The following IL1R2 variants were observed in gnomAD, a reference collection of about 807,000 sequenced individuals.
IL1R2 encodes the protein interleukin-1 receptor type 2.
Under a neutral mutation model 39.5 loss-of-function variants are expected in IL1R2, and 46 were observed. The ratio of observed to expected loss-of-function variants is 1.16; its 90% confidence interval spans 0.92 to 1.49. The LOEUF is 1.49. Among genes scored for constraint, IL1R2 ranks in the 40% most tolerant of loss-of-function variants. IL1R2 has a pLI of 0.00. For missense variants in IL1R2, 537 were observed against 502.0 expected (o/e 1.07, Z -0.67); for synonymous variants, 207 against 189.6 (o/e 1.09, Z -0.75).
intron 1 of IL1R2, among the ~76,000 whole-genome samples, chr2:102,003,157 T>G (rs903761093): frequency 2.5e-5 from 3 of 120,286 alleles, no homozygotes; most frequent in African/African-American, 7.8e-5. Flanking sequence ...TCTGTGTCTC[T>G]GTCTGTGTCT....
chr2:102,017,918 A>G (rs1677112014), intron 4 of IL1R2, among the ~76,000 whole-genome samples: 1 of 152,238 alleles, frequency 6.6e-6, no homozygotes, highest in African/African-American at 2.4e-5. Context: ...TTATTGGCTT[A>G]ATCATTAATG....
At chr2:102,002,699 T>C (rs1257310388) in intron 1 of IL1R2, among the ~76,000 whole-genome samples, 1 of 152,088 alleles carries the variant, frequency 6.6e-6, no homozygotes, top group African/African-American at 2.4e-5. Context: ...TAAGTCTATG[T>C]CTAGGTCTAT....
At chr2:102,002,865 GGTCTGT>G (rs1167762474) in intron 1 of IL1R2, among the ~76,000 whole-genome samples, 3 of 91,028 alleles carry the variant, frequency 3.3e-5, no homozygotes, top group Non-Finnish European at 5.0e-5. Flanking sequence ...TCTAGGTCTA[GGTCTGT>G]GTCTGTGTCT....
At chr2:101,995,821 GAC>G (rs1675560050) in intron 1 of IL1R2, among the ~76,000 whole-genome samples, 1 of 152,212 alleles carries the variant, frequency 6.6e-6, no homozygotes, top group South Asian at 2.1e-4. Context: ...AATTTACGGA[GAC>G]CAGCAGTGGG....
At chr2:101,999,473 G>A (rs1402075506) in intron 1 of IL1R2, among the ~76,000 whole-genome samples, 5 of 152,162 alleles carry the variant, frequency 3.3e-5, no homozygotes, top group African/African-American at 9.7e-5. Flanking sequence ...TGGGGACTTC[G>A]GCAAGAGAGT....
At chr2:102,025,261 CT>C (rs937578954) in intron 7 of IL1R2, among the ~76,000 whole-genome samples, 3 of 152,196 alleles carry the variant, frequency 2.0e-5, no homozygotes, top group Admixed American at 6.5e-5. Flanking sequence ...AATTGTAACT[CT>C]TTTTAAAATT....
At chr2:102,024,430 T>G in intron 6 of IL1R2, 103 bp from the exon 7 acceptor site, 2 of 774,014 alleles carry the variant, frequency 2.6e-6, no homozygotes, top group Non-Finnish European at 4.6e-6. Flanking sequence ...AATTGGGTGG[T>G]GAGGGGTGTT....
chr2:101,996,706 A>G (rs961043693), intron 1 of IL1R2, among the ~76,000 whole-genome samples: 2 of 151,324 alleles, frequency 1.3e-5, no homozygotes. Flanking sequence ...CAAAACATAC[A>G]TATGTATATA....
intron 4 of IL1R2, among the ~76,000 whole-genome samples, chr2:102,018,403 C>T (rs1283886162): frequency 6.6e-6 from 1 of 152,212 alleles, no homozygotes; most frequent in Admixed American, 6.5e-5. Flanking sequence ...CCTCTCGAAC[C>T]TGTTTCCTCT....
At chr2:102,002,305 T>G (rs1675903296) in intron 1 of IL1R2, among the ~76,000 whole-genome samples, 1 of 147,758 alleles carries the variant, frequency 6.8e-6, no homozygotes, top group Admixed American at 6.7e-5. Context: ...TCTGTGTCTG[T>G]GTCTGTGTCT....
chr2:102,004,492 C>CAA (rs34596104), intron 1 of IL1R2, among the ~76,000 whole-genome samples: 1,059 of 99,290 alleles, frequency 0.011, 14 homozygotes, highest in African/African-American at 0.029. Flanking sequence ...GGTTATTTGA[C>CAA]AAAAAAAAAA....
At chr2:102,006,392 T>C (rs141393552) in intron 1 of IL1R2, among the ~76,000 whole-genome samples, 62 of 152,252 alleles carry the variant, frequency 4.1e-4, no homozygotes, top group African/African-American at 7.9e-4. Context: ...CCAGGCTAGA[T>C]ACATAGCTAA....
At chr2:101,999,419 G>A (rs1259411275) in intron 1 of IL1R2, among the ~76,000 whole-genome samples, 1 of 152,218 alleles carries the variant, frequency 6.6e-6, no homozygotes, top group Non-Finnish European at 1.5e-5. Flanking sequence ...CAGTTCCCAG[G>A]AGACCTCAGA....
intron 1 of IL1R2, chr2:102,001,914 A>T (rs564917387): frequency 9.2e-5 from 14 of 152,176 alleles, no homozygotes; most frequent in Non-Finnish European, 1.5e-4. Flanking sequence ...GTAAAGCCTG[A>T]TAGCTATGTG....
chr2:102,022,252 A>G lies in IL1R2; in HGVS notation c.751+3A>G, dbSNP rs1254443348. ...CAAGACCATATCAGCTTCTCTGGGT[A>G]AGGCCCACAAGGACCATGCATTCCA... is the stretch of plus-strand genomic sequence containing the variant. On this transcript the variant is annotated splice_donor_region_variant and intron_variant, in intron 6 of 8. Coordinates refer to ENST00000332549, the MANE Select transcript of IL1R2 (RefSeq NM_004633.4). The G allele has an allele frequency of 9.3e-6, 15 of 1,611,770 alleles. No individual in the cohort carries two copies. The highest frequency in any genetic ancestry group is 1.3e-5 in the Non-Finnish European group (15 of 1,177,946).
At position 101,993,046 on chromosome 2, in the gene IL1R2, C is replaced by T. The variant is rs76982914; in HGVS notation, c.-62+1035C>T. Among the ~76,000 whole-genome samples, 1,455 of 152,248 alleles carry T rather than the reference C, an allele frequency of 9.6e-3. 24 individuals are homozygous for T. The highest frequency in any genetic ancestry group is 0.034 in the South Asian group (166 of 4,816). On this transcript the variant is annotated intron_variant, in intron 1 of 8. Transcript: ENST00000332549. ...CGCAGTGGAATCTAACACAAGATAG[C>T]GGACCACTGAGACCCGTTTCTACCG...
intron 7 of IL1R2, among the ~76,000 whole-genome samples, chr2:102,025,345 A>C (rs1677665129): frequency 6.6e-6 from 1 of 152,234 alleles, no homozygotes; most frequent in South Asian, 2.1e-4. Flanking sequence ...GACTTATCAC[A>C]AAAGATCTTT....
chr2:102,002,121 A>G (rs1675893284), intron 1 of IL1R2: 2 of 152,248 alleles, frequency 1.3e-5, no homozygotes, highest in African/African-American at 4.8e-5. Flanking sequence ...TACTCCTTCT[A>G]CATGCTGGAA....
rs373170819 is a variant in IL1R2, at chr2:102,009,084, T to G, written c.67+442T>G. On this transcript the variant is annotated intron_variant, in intron 2 of 8. Coordinates refer to ENST00000332549, the MANE Select transcript of IL1R2 (RefSeq NM_004633.4). ...GAAAAAAGAAAAGAAAAGGAAAGAA[T>G]GGTGCGAATGTGCTTGTCAAAGAGC... 2.4e-4 allele frequency among the ~76,000 whole-genome samples: 37 copies of G among 151,848 alleles called. No individual in the cohort carries two copies. In the South Asian group the frequency reaches 7.3e-3, roughly 30 times the overall value.
Sources: gnomAD v4.1 joint callset for allele counts (sites outside exome capture counted in the v4.1 genomes callset) on GRCh38, gnomAD v4.1.1 for gene constraint, MANE v1.5 for transcripts, NCBI Gene and HGNC (gene_info 2026-07-23, HGNC 2026-07-21) for gene names.